The following RPAP3 variants were observed in gnomAD, a reference collection of about 807,000 sequenced individuals.
RPAP3 encodes the protein RNA polymerase II associated protein 3.
Under a neutral mutation model 88.8 loss-of-function variants are expected in RPAP3, and 58 were observed. The ratio of observed to expected loss-of-function variants is 0.65; its 90% confidence interval spans 0.53 to 0.81. The LOEUF (loss-of-function observed/expected upper bound fraction) is 0.81. Among genes scored for constraint, RPAP3 ranks in the 40% least tolerant of loss-of-function variants. RPAP3 has a pLI of 0.00. For missense variants in RPAP3, 751 were observed against 764.3 expected, an observed-to-expected ratio of 0.98 and a Z score of 0.20; for synonymous variants, 255 against 259.9, an observed-to-expected ratio of 0.98 and a Z score of 0.18.
intron 8 of RPAP3, 42 bp from the exon 9 acceptor site, chr12:47,686,949 T>TC (rs1457047392): frequency 7.9e-7 from 1 of 1,258,254 alleles, no homozygotes; most frequent in East Asian, 2.5e-5. Flanking sequence ...AAAAAAAATT[T>TC]CAAAAAAAAT....
intron 10 of RPAP3, among the ~76,000 whole-genome samples, chr12:47,680,156 A>C (rs143924197): frequency 6.6e-6 from 1 of 152,348 alleles, no homozygotes; most frequent in Non-Finnish European, 1.5e-5. Context: ...AAATTCTGAT[A>C]TATGCTCCAA....
In RPAP3 at chr12:47,702,784, T is replaced by C. The variant is rs1267661599; in HGVS notation, c.57A>G (p.Glu19=). 2.5e-6 allele frequency: 4 copies of C among 1,613,124 alleles called. No individual in the cohort carries two copies. The highest frequency in any genetic ancestry group is 3.4e-6 in the Non-Finnish European group (4 of 1,179,426). The change falls in exon 2 of 17, where the codon GAA becomes GAG. Residue 19 remains glutamate, a synonymous_variant. Coordinates refer to ENST00000005386, the MANE Select transcript of RPAP3 (RefSeq NM_024604.3). ...AATCCCGCATAAAGTCTTGTAATTC[T>C]TCTGCATTTTGTTTCACTTGTAGTT... The part of the protein sequence containing the change: ...ELQLQVKQNA[E]ELQDFMRDLE...
At chr12:47,663,967 CATTTT>C (rs1938813355) in intron 16 of RPAP3, among the ~76,000 whole-genome samples, 1 of 152,136 alleles carries the variant, frequency 6.6e-6, no homozygotes, top group Admixed American at 6.5e-5. Flanking sequence ...AAACCTAAAT[CATTTT>C]ATTTTAAAAG....
chr12:47,699,877 G>T (rs188876653), intron 3 of RPAP3: 2 of 151,962 alleles, frequency 1.3e-5, no homozygotes, highest in African/African-American at 4.8e-5. Context: ...AATGCATACG[G>T]TATAATCATT....
chr12:47,689,160 A>C lies in RPAP3; in HGVS notation c.703T>G (p.Phe235Val). Residue 235 changes from phenylalanine to valine, a missense_variant, in exon 7 of 17, where the codon TTT becomes GTT. By Grantham distance (50) the Phe-to-Val change is conservative. Transcript: ENST00000005386. ...TTCCTGAGTTCATTTGTTGCTTCAA[A>C]GTTATTTGGTTCTAGTTCTAATACT... ...ERVLELEPNNFEATNELRKIS... is the reference protein window; with the variant it reads ...ERVLELEPNNVEATNELRKIS... The C allele has an allele frequency of 6.7e-7, 1 of 1,485,604 alleles. No homozygotes were observed. Among genetic ancestry groups the C allele is most frequent in the Non-Finnish European group, 9.3e-7 (1 of 1,073,538 alleles). 92.0% of individuals were successfully genotyped at this position (1,485,604 alleles called of 1,614,324 possible).
At chr12:47,690,146 AAAT>A (rs1939402153) in intron 6 of RPAP3, among the ~76,000 whole-genome samples, 1 of 152,322 alleles carries the variant, frequency 6.6e-6, no homozygotes, top group African/African-American at 2.4e-5. Flanking sequence ...CTATTTTATG[AAAT>A]AATAGAAGGC....
At chr12:47,690,732 G>T in intron 5 of RPAP3, 93 bp from the exon 6 acceptor site, 1 of 913,512 alleles carries the variant, frequency 1.1e-6, no homozygotes, top group Non-Finnish European at 1.5e-6. Context: ...CTTGAAAAGA[G>T]AATTTACTTA....
intron 9 of RPAP3, among the ~76,000 whole-genome samples, chr12:47,684,444 T>C (rs928197573): frequency 6.6e-6 from 1 of 152,180 alleles, no homozygotes; most frequent in African/African-American, 2.4e-5. Flanking sequence ...CTAGGAGTAG[T>C]CTAAGCTTGA....
At chr12:47,672,974 AT>A (rs1939030969) in intron 12 of RPAP3, among the ~76,000 whole-genome samples, 2 of 152,230 alleles carry the variant, frequency 1.3e-5, no homozygotes, top group South Asian at 4.1e-4. Flanking sequence ...AAACTTGTGA[AT>A]TAATTTTTGT....
chr12:47,683,258 T>C (rs982146120), intron 9 of RPAP3, among the ~76,000 whole-genome samples: 3 of 152,218 alleles, frequency 2.0e-5, no homozygotes, highest in Admixed American at 2.0e-4. Flanking sequence ...TATCTTAGCG[T>C]ATTTTCACAA....
chr12:47,672,677 T>C (rs745633295), intron 12 of RPAP3, among the ~76,000 whole-genome samples: 7 of 152,210 alleles, frequency 4.6e-5, no homozygotes, highest in Non-Finnish European at 1.0e-4. Flanking sequence ...AGCAATTTTT[T>C]TCCCTTCCCA....
rs781653138 is a variant in RPAP3 at position 47,689,199 on chromosome 12, A to C, written c.668-4T>G. ...AGTTCTAATACTCTTTCATAATCTAAGTAAAAGAGAAGATAAAAAAAATTT... is the reference window on the plus strand; with the variant it reads ...AGTTCTAATACTCTTTCATAATCTACGTAAAAGAGAAGATAAAAAAAATTT... On this transcript the variant is annotated splice_region_variant and splice_polypyrimidine_tract_variant and intron_variant, in intron 6 of 16. Transcript: ENST00000005386. The C allele has an allele frequency of 7.8e-7, 1 of 1,280,010 alleles. No individual in the cohort carries two copies. Among genetic ancestry groups the C allele is most frequent in the Non-Finnish European group, 1.1e-6 (1 of 912,848 alleles). The allele number at this position is 1,280,010 out of a possible 1,614,324, so 79.3% of individuals were successfully genotyped here.
chr12:47,690,991 T>C (rs1352158890), intron 5 of RPAP3, among the ~76,000 whole-genome samples: 1 of 152,244 alleles, frequency 6.6e-6, no homozygotes, highest in Non-Finnish European at 1.5e-5. Flanking sequence ...TAAAAAACTT[T>C]ATTGCTAAAA....
chr12:47,701,659 G>A, intron 2 of RPAP3, 55 bp from the exon 3 acceptor site: 1 of 1,318,338 alleles, frequency 7.6e-7, no homozygotes, highest in Non-Finnish European at 1.0e-6. Flanking sequence ...GTTACTCTTT[G>A]TATAACTAGC....
chr12:47,700,191 C>A (rs1269686685), intron 3 of RPAP3: 1 of 151,972 alleles, frequency 6.6e-6, no homozygotes. Context: ...GGAAGATGCA[C>A]ACTTAAGATT....
chr12:47,694,779 A>G (rs1310933568), intron 5 of RPAP3, among the ~76,000 whole-genome samples: 1 of 152,218 alleles, frequency 6.6e-6, no homozygotes, highest in East Asian at 1.9e-4. Flanking sequence ...AAACCTTACT[A>G]ATAGCTGAGA....
At chr12:47,669,761 C>T (rs1241327464) in intron 13 of RPAP3, among the ~76,000 whole-genome samples, 1 of 151,972 alleles carries the variant, frequency 6.6e-6, no homozygotes, top group Non-Finnish European at 1.5e-5. Flanking sequence ...TAATGGCAAT[C>T]CATAAATTCT....
intron 1 of RPAP3, among the ~76,000 whole-genome samples, chr12:47,703,290 A>G (rs929104683): frequency 6.6e-6 from 1 of 152,252 alleles, no homozygotes; most frequent in African/African-American, 2.4e-5. Context: ...AAATATATAA[A>G]GCACTAGTAA....
At chr12:47,690,041 C>CAA (rs573336232) in intron 6 of RPAP3, among the ~76,000 whole-genome samples, 7 of 56,598 alleles carry the variant, frequency 1.2e-4, no homozygotes, top group East Asian at 5.5e-4. Context: ...GACTCTGTCT[C>CAA]AAAAAAAAAA....
Sources: gnomAD v4.1 joint callset for allele counts (sites outside exome capture counted in the v4.1 genomes callset) on GRCh38, gnomAD v4.1.1 for gene constraint, MANE v1.5 for transcripts, NCBI Gene and HGNC (gene_info 2026-07-23, HGNC 2026-07-21) for gene names.